The following ADAMTSL1 variants were observed in gnomAD, a reference collection of about 807,000 sequenced individuals.
ADAMTSL1 encodes the protein ADAMTS like 1, also known as ADAMTS-like protein 1.
Under a neutral mutation model 201.8 loss-of-function variants are expected in ADAMTSL1, and 126 were observed. That is an observed-to-expected ratio of 0.62 (90% CI 0.54 to 0.72). The LOEUF (loss-of-function observed/expected upper bound fraction) is 0.72, where lower values mean the gene tolerates loss of function less well. ADAMTSL1 is among the 30% of genes least tolerant of loss of function. The pLI is 0.00. For synonymous variants in ADAMTSL1, 1,121 were observed against 903.4 expected (o/e 1.24, Z -4.32); for missense variants, 2,679 against 2,277.8 (o/e 1.18, Z -3.59).
intron 12 of ADAMTSL1, among the ~76,000 whole-genome samples, chr9:18,683,399 T>C (rs1830637037): frequency 7.3e-6 from 1 of 136,096 alleles, no homozygotes; most frequent in African/African-American, 2.7e-5. Flanking sequence ...TAATTTTTTG[T>C]ATTTTTTTTT....
intron 1 of ADAMTSL1, among the ~76,000 whole-genome samples, chr9:18,140,218 G>A (rs1358463264): frequency 6.6e-6 from 1 of 152,004 alleles, no homozygotes; most frequent in Non-Finnish European, 1.5e-5. Flanking sequence ...CATTGAAGTG[G>A]GAAAACGTTT....
chr9:18,364,505 C>G (rs7020284), intron 2 of ADAMTSL1, among the ~76,000 whole-genome samples: 9 of 151,866 alleles, frequency 5.9e-5, no homozygotes, highest in African/African-American at 2.2e-4. Context: ...CCAAGAGACA[C>G]GAGTTCTTAA....
intron 1 of ADAMTSL1, among the ~76,000 whole-genome samples, chr9:18,041,432 C>A (rs974019545): frequency 1.3e-5 from 2 of 152,004 alleles, no homozygotes; most frequent in Non-Finnish European, 2.9e-5. Context: ...ATTTTCATTC[C>A]ATTTATGGAA....
chr9:18,178,114 G>C (rs759770453), intron 2 of ADAMTSL1, among the ~76,000 whole-genome samples: 2 of 152,170 alleles, frequency 1.3e-5, no homozygotes, highest in Non-Finnish European at 2.9e-5. Flanking sequence ...ATCTGAGGTA[G>C]CGGGTTCATC....
In ADAMTSL1 at chr9:18,183,458, A is replaced by G. The variant is rs144803995; in HGVS notation, c.207+19477A>G. 9.4e-4 allele frequency among the ~76,000 whole-genome samples: 143 copies of G among 152,350 alleles called. 1 individual carries two copies. The highest frequency in any genetic ancestry group is 3.4e-3 in the African/African-American group (140 of 41,590). ...AAAGGCAAACCACAGACTGGGAGAAAGTATTTGCAGAAGACATCTGAAAAA... is the reference window on the plus strand; with the variant it reads ...AAAGGCAAACCACAGACTGGGAGAAGGTATTTGCAGAAGACATCTGAAAAA... On this transcript the variant is annotated intron_variant, in intron 2 of 29. Transcript: ENST00000680146.
intron 8 of ADAMTSL1, among the ~76,000 whole-genome samples, chr9:18,658,188 A>C (rs556351162): frequency 6.6e-6 from 1 of 152,110 alleles, no homozygotes; most frequent in Non-Finnish European, 1.5e-5. Flanking sequence ...GTTAGCCAGG[A>C]TAGTCTCGAT....
intron 1 of ADAMTSL1, among the ~76,000 whole-genome samples, chr9:17,940,753 C>T (rs563959148): frequency 6.9e-6 from 1 of 143,948 alleles, no homozygotes; most frequent in Non-Finnish European, 1.5e-5. Context: ...AAATGAGACC[C>T]TAACTCGAAA....
At chr9:18,895,768 T>C (rs982022606) in intron 26 of ADAMTSL1, among the ~76,000 whole-genome samples, 1 of 152,178 alleles carries the variant, frequency 6.6e-6, no homozygotes, top group African/African-American at 2.4e-5. Context: ...AGAGCCAGTC[T>C]ACAGAGAGTA....
At chr9:18,296,668 A>G (rs1019243278) in intron 2 of ADAMTSL1, among the ~76,000 whole-genome samples, 1 of 152,238 alleles carries the variant, frequency 6.6e-6, no homozygotes, top group South Asian at 2.1e-4. Flanking sequence ...AGGGAATAGA[A>G]CAATGAGTTT....
chr9:18,033,996 G>T (rs1211068889), intron 1 of ADAMTSL1, among the ~76,000 whole-genome samples: 1 of 152,134 alleles, frequency 6.6e-6, no homozygotes, highest in Non-Finnish European at 1.5e-5. Context: ...TCTTCTCTCA[G>T]AGTAAGAGGG....
At chr9:18,010,103 A>C (rs1819990569) in intron 1 of ADAMTSL1, among the ~76,000 whole-genome samples, 1 of 152,016 alleles carries the variant, frequency 6.6e-6, no homozygotes, top group Admixed American at 6.6e-5. Flanking sequence ...AGTCTAGAAT[A>C]CCAATCACTG....
At chr9:18,432,454 C>G (rs950786093) in intron 2 of ADAMTSL1, among the ~76,000 whole-genome samples, 3 of 152,130 alleles carry the variant, frequency 2.0e-5, no homozygotes, top group Admixed American at 6.5e-5. Context: ...AAATGCTTTG[C>G]TAAAATAGTC....
chr9:17,969,105 A>T (rs778762280), intron 1 of ADAMTSL1, among the ~76,000 whole-genome samples: 3 of 152,000 alleles, frequency 2.0e-5, no homozygotes, highest in Non-Finnish European at 2.9e-5. Context: ...TTTTTGCTAT[A>T]TGTGTATACA....
intron 2 of ADAMTSL1, among the ~76,000 whole-genome samples, chr9:18,433,449 G>T (rs926431191): frequency 6.6e-6 from 1 of 152,020 alleles, no homozygotes; most frequent in African/African-American, 2.4e-5. Context: ...GGTCTTCAAT[G>T]GGTAGATTTA....
chr9:17,983,412 C>T (rs1025905403), intron 1 of ADAMTSL1, among the ~76,000 whole-genome samples: 2 of 152,054 alleles, frequency 1.3e-5, no homozygotes, highest in African/African-American at 2.4e-5. Flanking sequence ...TAATGTGTGG[C>T]CAAGATTGAG....
chr9:18,612,486 AG>A (rs1825441510), intron 4 of ADAMTSL1, among the ~76,000 whole-genome samples: 1 of 152,172 alleles, frequency 6.6e-6, no homozygotes, highest in Non-Finnish European at 1.5e-5. Flanking sequence ...GCACTGTTCT[AG>A]GTGGACAGTG....
intron 7 of ADAMTSL1, among the ~76,000 whole-genome samples, chr9:18,644,067 T>C (rs574497706): frequency 1.2e-4 from 19 of 152,128 alleles, no homozygotes; most frequent in African/African-American, 4.6e-4. Flanking sequence ...CAATCTTTTA[T>C]AGTTTTCAGT....
upstream of ADAMTSL1, among the ~76,000 whole-genome samples, chr9:18,473,578 G>C (rs1281350): frequency 0.56 from 85,557 of 151,974 alleles, 24,153 homozygotes; most frequent in Non-Finnish European, 0.58. Context: ...TATTTATTTT[G>C]CAAGTCAAGA....
chr9:17,987,678 C>A (rs755805363), intron 1 of ADAMTSL1, among the ~76,000 whole-genome samples: 3 of 152,044 alleles, frequency 2.0e-5, no homozygotes, highest in Non-Finnish European at 4.4e-5. Flanking sequence ...CCATCACATT[C>A]TTTTAGAACT....
Sources: allele counts gnomAD v4.1 joint callset (sites outside exome capture counted in the v4.1 genomes callset), GRCh38; gene constraint gnomAD v4.1.1; transcripts MANE v1.5; gene names NCBI Gene and HGNC (gene_info 2026-07-23, HGNC 2026-07-21).